NBPF12: variants seen among roughly 807,000 people sequenced by gnomAD.
NBPF12 encodes NBPF member 12.
NBPF12 carries 115 observed loss-of-function variants against 146.4 expected under a neutral mutation model. The ratio of observed to expected loss-of-function variants is 0.79; its 90% CI spans 0.68 to 0.92. The LOEUF (loss-of-function observed/expected upper bound fraction) is 0.92, where lower values mean the gene tolerates loss of function less well. NBPF12 is among the 40% of genes least tolerant of loss of function. The pLI, the probability that NBPF12 is intolerant of heterozygous loss-of-function variation, is 0.00. For synonymous variants in NBPF12, 385 were observed against 508.9 expected (o/e 0.76, Z 3.28); for missense variants, 1,205 against 1,326.8 (o/e 0.91, Z 1.43).
chr1:146,944,996 C>T (rs1654972247), upstream of NBPF12, among the ~76,000 whole-genome samples: 3 of 57,370 alleles, frequency 5.2e-5, no homozygotes, highest in Admixed American at 6.0e-4. Flanking sequence ...TCCTTCCTCC[C>T]TCCCTCCCTT....
In NBPF12 at chr1:146,994,615, A is replaced by T. The variant is rs587605592; in HGVS notation, c.*40A>T. ...GCCGAGAGGTTTCATTCCTGCAGGC[A>T]GGACCTATAGGCACCTGAAGATTTG... On this transcript the variant is annotated 3_prime_UTR_variant, in exon 34 of 34. Transcript: ENST00000617844. The T allele has an allele frequency of 2.9e-5, 46 of 1,588,890 alleles. 1 individual carries two copies. In the East Asian group the frequency reaches 9.7e-4, roughly 33 times the overall value.
At chr1:146,993,948 C>T (rs879951422) in intron 33 of NBPF12, among the ~76,000 whole-genome samples, 2 of 32,844 alleles carry the variant, frequency 6.1e-5, no homozygotes, top group Non-Finnish European at 1.1e-4. Flanking sequence ...GCCACTGCAT[C>T]GAATTTTGAG....
chr1:146,962,147 T>G lies in NBPF12; in HGVS notation c.176-14T>G, dbSNP rs1450228845. 872 of 1,608,540 alleles carry G rather than the reference T, an allele frequency of 5.4e-4. 5 individuals carry two copies. The highest frequency in any genetic ancestry group is 2.3e-3 in the South Asian group (209 of 90,962). ...AGCCTTCCACTGAGGCAGGCGTGTCTGTCTTTTTCTCAGAGTATGAAGAGT... is the reference window on the plus strand; with the variant it reads ...AGCCTTCCACTGAGGCAGGCGTGTCGGTCTTTTTCTCAGAGTATGAAGAGT... On this transcript the variant is annotated splice_polypyrimidine_tract_variant and intron_variant, in intron 4 of 33. Transcript: ENST00000617844.
At chr1:146,970,067 A>G (rs1656488959) in intron 11 of NBPF12, among the ~76,000 whole-genome samples, 1 of 149,634 alleles carries the variant, frequency 6.7e-6, no homozygotes, top group Admixed American at 6.6e-5. Flanking sequence ...GGGAACACTT[A>G]CGAATGCTTT....
At chr1:146,994,477 C>A in exon 34 of NBPF12, 1 of 1,609,374 alleles carries the variant, frequency 6.2e-7, no homozygotes, top group African/African-American at 1.4e-5. Context: ...TGAGGAACAG[C>A]ACATCACCTT....
intron 19 of NBPF12, among the ~76,000 whole-genome samples, chr1:146,980,105 A>G (rs1345913463): frequency 2.6e-5 from 4 of 151,176 alleles, no homozygotes; most frequent in African/African-American, 9.8e-5. Flanking sequence ...TGTTGGTTTA[A>G]AGTCTGTTTT....
At chr1:146,984,615 G>A (rs1559528263) in intron 21 of NBPF12, among the ~76,000 whole-genome samples, 198 bp from the exon 25 acceptor site, 1 of 80,222 alleles carries the variant, frequency 1.2e-5, no homozygotes, top group Non-Finnish European at 2.4e-5. Flanking sequence ...GTGTGTGTGT[G>A]TGTGTGTGTC....
chr1:146,941,852 AT>A (rs1654823281), intron 1 of NBPF12, among the ~76,000 whole-genome samples: 1 of 147,774 alleles, frequency 6.8e-6, no homozygotes, highest in African/African-American at 2.5e-5. Context: ...TAGCAATTTT[AT>A]TTTAGTTTTT....
In NBPF12 at chr1:146,968,560, C is replaced by A. The variant is rs1179691628; in HGVS notation, c.1091+10C>A. The A allele has an allele frequency of 6.9e-6, 11 of 1,593,364 alleles. No individual in the cohort carries two copies. The highest frequency in any genetic ancestry group is 8.6e-6 in the Non-Finnish European group (10 of 1,162,806). ...AAGCTGAGGAGCTCAGGTGAGGGGA[C>A]CCCATGGGGGCAGGCAGGGGGGCAG... On this transcript the variant is annotated intron_variant, in intron 10 of 33. Coordinates refer to ENST00000617844, the Ensembl canonical transcript of NBPF12.
chr1:146,946,445 G>T (rs1338397844), upstream of NBPF12, among the ~76,000 whole-genome samples: 4 of 143,054 alleles, frequency 2.8e-5, no homozygotes, highest in African/African-American at 1.0e-4. Context: ...AAATGATTTT[G>T]AGCATCTTTC....
chr1:146,967,029 A>T (rs1480743032), intron 9 of NBPF12, among the ~76,000 whole-genome samples: 1 of 151,316 alleles, frequency 6.6e-6, no homozygotes, highest in African/African-American at 2.5e-5. Flanking sequence ...GTTGTTCTAA[A>T]TATCTGAGAC....
exon 13 of NBPF12, chr1:146,971,206 G>T: frequency 6.2e-7 from 1 of 1,611,692 alleles, no homozygotes; most frequent in Admixed American, 1.7e-5. Flanking sequence ...GCTGAAGAAA[G>T]CAAAGTCCCT....
chr1:146,964,654 C>T (rs1656076794), intron 7 of NBPF12, among the ~76,000 whole-genome samples: 1 of 151,982 alleles, frequency 6.6e-6, no homozygotes, highest in Non-Finnish European at 1.5e-5. Context: ...CTTCATCCTC[C>T]TCAGCTCCTA....
At chr1:146,994,607 C>T (rs1475031445) in exon 34 of NBPF12, 3 of 1,589,058 alleles carry the variant, frequency 1.9e-6, no homozygotes, top group Non-Finnish European at 2.6e-6. Flanking sequence ...GGTTTCATTC[C>T]TGCAGGCAGG....
chr1:146,992,460 C>CAG (rs1465709029), intron 31 of NBPF12, among the ~76,000 whole-genome samples: 5,227 of 82,100 alleles, frequency 0.064, 15 homozygotes, highest in East Asian at 0.096. Context: ...CTCTCTCTCT[C>CAG]TCTGTGTGTG....
At chr1:146,945,410 C>G (rs1279056063), upstream of NBPF12, among the ~76,000 whole-genome samples, 1 of 151,568 alleles carries the variant, frequency 6.6e-6, no homozygotes, top group Non-Finnish European at 1.5e-5. Context: ...CTTACCAGAA[C>G]CCTGCACTGT....
intron 1 of NBPF12, among the ~76,000 whole-genome samples, chr1:146,949,985 C>T (rs1439625605): frequency 1.3e-5 from 2 of 151,966 alleles, no homozygotes; most frequent in African/African-American, 4.8e-5. Flanking sequence ...GGTAACCTCA[C>T]CATCTTAAAG....
intron 14 of NBPF12, among the ~76,000 whole-genome samples, chr1:146,974,025 C>T (rs1656830130): frequency 6.6e-6 from 1 of 150,908 alleles, no homozygotes; most frequent in South Asian, 2.1e-4. Context: ...TCAGAGGGTA[C>T]TACAATAATA....
chr1:146,985,819 G>A (rs1383464355), intron 23 of NBPF12, 63 bp downstream of exon 26: 1 of 730,990 alleles, frequency 1.4e-6, no homozygotes, highest in Non-Finnish European at 2.4e-6. Flanking sequence ...CAGGTCCAGG[G>A]AAAAGAAGAG....
Sources: gnomAD v4.1 joint callset for allele counts (sites outside exome capture counted in the v4.1 genomes callset) on GRCh38, gnomAD v4.1.1 for gene constraint, MANE v1.5 for transcripts, NCBI Gene and HGNC (gene_info 2026-07-23, HGNC 2026-07-21) for gene names.